Variants in ADGRL2 observed in about 807,000 individuals in gnomAD.
ADGRL2 encodes adhesion G protein-coupled receptor L2.
In ADGRL2, 44 loss-of-function variants were observed where a neutral mutation model predicts 157.4. The ratio of observed to expected loss-of-function variants is 0.28; its 90% CI spans 0.22 to 0.36. ADGRL2 has a LOEUF of 0.36. Ranked by LOEUF, ADGRL2 falls within the 10% of genes least tolerant of loss-of-function variation. The pLI is 1.00. For synonymous variants in ADGRL2, 585 were observed against 624.7 expected (o/e 0.94, Z 0.95); for missense variants, 1,510 against 1,768.9 (o/e 0.85, Z 2.63).
chr1:81,433,753 T>C (rs981931432), intron 1 of ADGRL2, among the ~76,000 whole-genome samples: 3 of 152,228 alleles, frequency 2.0e-5, no homozygotes, highest in African/African-American at 7.2e-5. Flanking sequence ...GTATGTCTTA[T>C]TATCTCTCAC....
chr1:81,725,981 TAAAACAAAACAAAAC>T (rs146873952), intron 1 of ADGRL2, among the ~76,000 whole-genome samples: 3 of 151,912 alleles, frequency 2.0e-5, no homozygotes, highest in Non-Finnish European at 4.4e-5. Flanking sequence ...AGACCATGTC[TAAAACAAAACAAAAC>T]AAAACAAAAC....
At chr1:81,334,953 G>A (rs780247643) in intron 1 of ADGRL2, among the ~76,000 whole-genome samples, 9 of 152,148 alleles carry the variant, frequency 5.9e-5, no homozygotes, top group Non-Finnish European at 1.0e-4. Context: ...TAAATACAGT[G>A]GGCTATGTCA....
intron 3 of ADGRL2, among the ~76,000 whole-genome samples, chr1:81,650,293 C>T (rs879337013): frequency 2.1e-4 from 32 of 152,012 alleles, no homozygotes; most frequent in Admixed American, 4.6e-4. Context: ...AATTGTGGGC[C>T]GGGCCCCCTG....
In ADGRL2 at chr1:81,936,753, G is replaced by A. The variant is rs749114277; in HGVS notation, c.313G>A (p.Val105Ile). The stretch of plus-strand genomic sequence containing the variant: ...GTGCAACAATCGAACACAGTGTATA[G>A]TAGTTACTGGGTCAGATGTGTTTCC... ...QRCNNRTQCI[V>I]VTGSDVFPDP... Residue 105 changes from valine (V) to isoleucine (I), a missense_variant, in exon 4 of 24, where the codon GTA (valine) becomes ATA (isoleucine). By Grantham distance (29) the Val-to-Ile change is conservative. This residue lies in a region of ADGRL2 where 361 missense variants were observed against 498.4 expected (regional missense o/e 0.72). Transcript: ENST00000686636. 11 of 1,609,772 alleles carry A rather than the reference G, an allele frequency of 6.8e-6. No individual in the cohort carries two copies. The South Asian group carries it at 1.2e-4, about 18-fold the overall frequency.
At chr1:81,364,828 G>C (rs993400118) in intron 1 of ADGRL2, among the ~76,000 whole-genome samples, 1 of 151,530 alleles carries the variant, frequency 6.6e-6, no homozygotes, top group East Asian at 1.9e-4. Context: ...GTCTCCTAGC[G>C]AATTTTTATA....
intron 3 of ADGRL2, among the ~76,000 whole-genome samples, chr1:81,642,271 T>G (rs1234516799): frequency 8.9e-6 from 1 of 112,094 alleles, no homozygotes; most frequent in Non-Finnish European, 1.9e-5. Context: ...AAAAAAAAAA[T>G]TAGCCAGGCA....
intron 13 of ADGRL2, 26 bp from the exon 14 acceptor site, chr1:81,968,000 T>G: frequency 1.9e-6 from 3 of 1,597,964 alleles, no homozygotes; most frequent in Non-Finnish European, 2.6e-6. Context: ...AAAATCCTAA[T>G]TTTATCTTGT....
chr1:81,802,746 G>A (rs1305702883), intron 1 of ADGRL2, among the ~76,000 whole-genome samples: 1 of 152,172 alleles, frequency 6.6e-6, no homozygotes, highest in Non-Finnish European at 1.5e-5. Flanking sequence ...TGTAAGTGGA[G>A]CGGGGAGGCT....
chr1:81,941,141 G>T (rs1428409797), intron 4 of ADGRL2, among the ~76,000 whole-genome samples: 1 of 148,906 alleles, frequency 6.7e-6, no homozygotes, highest in Non-Finnish European at 1.5e-5. Flanking sequence ...TTTTCTCCTT[G>T]CCTACTGTGC....
chr1:81,756,447 C>T (rs2085692747), intron 1 of ADGRL2, among the ~76,000 whole-genome samples: 1 of 152,202 alleles, frequency 6.6e-6, no homozygotes, highest in South Asian at 2.1e-4. Flanking sequence ...TCTGTCAATT[C>T]CCAATGAGGG....
intron 3 of ADGRL2, among the ~76,000 whole-genome samples, chr1:81,911,358 G>A (rs2148412293): frequency 6.6e-6 from 1 of 152,158 alleles, no homozygotes; most frequent in South Asian, 2.1e-4. Context: ...ATAACACTTT[G>A]AATTCATTAA....
At chr1:81,791,426 G>A (rs2087340202) in intron 2 of ADGRL2, among the ~76,000 whole-genome samples, 2 of 152,106 alleles carry the variant, frequency 1.3e-5, no homozygotes, top group Admixed American at 1.3e-4. Flanking sequence ...GAGGCTCAAA[G>A]TTTACTGCAT....
intron 1 of ADGRL2, among the ~76,000 whole-genome samples, chr1:81,394,414 C>T (rs927676391): frequency 3.5e-4 from 53 of 152,184 alleles, no homozygotes; most frequent in African/African-American, 1.2e-3. Flanking sequence ...TCTTTACTTC[C>T]GTGAGATCAA....
At chr1:81,704,482 T>G (rs2083670809) in intron 1 of ADGRL2, among the ~76,000 whole-genome samples, 1 of 152,086 alleles carries the variant, frequency 6.6e-6, no homozygotes, top group East Asian at 1.9e-4. Flanking sequence ...TAGTGGTATG[T>G]GGATGTCTGG....
chr1:81,965,074 G>A (rs1018656637), intron 11 of ADGRL2, among the ~76,000 whole-genome samples: 19 of 152,116 alleles, frequency 1.2e-4, no homozygotes, highest in African/African-American at 4.6e-4. Context: ...AGTTAGCATT[G>A]GCATGTTGAT....
intron 1 of ADGRL2, 112 bp from the exon 2 acceptor site, chr1:81,836,773 T>C (rs2092305522): frequency 1.2e-5 from 5 of 426,690 alleles, no homozygotes. Context: ...ATAGTGGACA[T>C]AGAATCAAAA....
intron 1 of ADGRL2, among the ~76,000 whole-genome samples, chr1:81,701,462 G>T (rs909526662): frequency 3.3e-5 from 5 of 152,094 alleles, no homozygotes; most frequent in Non-Finnish European, 7.3e-5. Flanking sequence ...GTCAGCATTG[G>T]CTGGGTCCAG....
intron 2 of ADGRL2, among the ~76,000 whole-genome samples, chr1:81,489,884 A>G (rs2078592818): frequency 6.6e-6 from 1 of 152,204 alleles, no homozygotes; most frequent in Non-Finnish European, 1.5e-5. Context: ...AAAATTAAAA[A>G]GAAATTAAAG....
chr1:81,327,252 G>A (rs977717828), intron 1 of ADGRL2, among the ~76,000 whole-genome samples: 4 of 152,142 alleles, frequency 2.6e-5, no homozygotes, highest in South Asian at 2.1e-4. Flanking sequence ...GGAATGGGAC[G>A]GGAGGAAGGA....
Sources: gnomAD v4.1 joint callset for allele counts (sites outside exome capture counted in the v4.1 genomes callset) on GRCh38, gnomAD v4.1.1 for gene constraint, gnomAD v4.1.1 regional missense constraint, MANE v1.5 for transcripts, NCBI Gene and HGNC (gene_info 2026-07-23, HGNC 2026-07-21) for gene names.